The following PTPRN2 variants were observed in gnomAD, a reference collection of about 807,000 sequenced individuals.
The protein encoded by PTPRN2 is receptor-type tyrosine-protein phosphatase N2.
PTPRN2 carries 74 observed loss-of-function variants against 118.8 expected under a neutral mutation model. The ratio of observed to expected loss-of-function variants is 0.62; its 90% CI spans 0.52 to 0.76. The LOEUF (loss-of-function observed/expected upper bound fraction) is 0.76, where lower values mean the gene tolerates loss of function less well. Ranked by LOEUF, PTPRN2 falls within the 30% of genes least tolerant of loss-of-function variation. The pLI, the probability that PTPRN2 is intolerant of heterozygous loss-of-function variation, is 0.00. For synonymous variants in PTPRN2, 641 were observed against 608.0 expected, an observed-to-expected ratio of 1.05 and a Z score of -0.80; for missense variants, 1,481 against 1,394.4, an observed-to-expected ratio of 1.06 and a Z score of -0.99.
chr7:157,755,928 GC>G (rs1801753026), intron 12 of PTPRN2, among the ~76,000 whole-genome samples: 1 of 152,202 alleles, frequency 6.6e-6, no homozygotes, highest in Non-Finnish European at 1.5e-5. Flanking sequence ...TTGGTCACAG[GC>G]CCTTCCCACG....
At chr7:158,248,861 C>A (rs1439471107) in intron 3 of PTPRN2, among the ~76,000 whole-genome samples, 7 of 14,430 alleles carry the variant, frequency 4.9e-4, no homozygotes, top group Admixed American at 4.0e-3. Context: ...CATACACATG[C>A]ACACACCACA....
chr7:157,790,082 GGTGT>G (rs150902025), intron 12 of PTPRN2, among the ~76,000 whole-genome samples: 5 of 125,844 alleles, frequency 4.0e-5, no homozygotes, highest in Non-Finnish European at 6.6e-5. Context: ...GTGTGTGTGT[GGTGT>G]GTGTGGTGGT....
chr7:158,416,705 G>A (rs1178087645), intron 2 of PTPRN2, among the ~76,000 whole-genome samples: 4 of 152,332 alleles, frequency 2.6e-5, no homozygotes, highest in African/African-American at 9.6e-5. Flanking sequence ...ACAGCCTGCT[G>A]GGAAACATAG....
chr7:158,377,525 C>A (rs1334220778), intron 2 of PTPRN2, among the ~76,000 whole-genome samples: 1 of 152,170 alleles, frequency 6.6e-6, no homozygotes, highest in Non-Finnish European at 1.5e-5. Flanking sequence ...GGGAGGAAAC[C>A]CCAGCAATGC....
At chr7:158,329,255 G>C (rs1367189504) in intron 2 of PTPRN2, among the ~76,000 whole-genome samples, 3 of 152,148 alleles carry the variant, frequency 2.0e-5, no homozygotes, top group Admixed American at 6.5e-5. Context: ...AGGCTAGGAG[G>C]GGAGGACAGT....
chr7:157,878,675 G>T (rs1795934430), intron 12 of PTPRN2, among the ~76,000 whole-genome samples: 1 of 136,708 alleles, frequency 7.3e-6, no homozygotes, highest in Non-Finnish European at 1.5e-5. Context: ...CCATGGGGCT[G>T]GAAGGGTCAG....
chr7:158,078,796 C>G (rs1489202271), intron 11 of PTPRN2, among the ~76,000 whole-genome samples: 1 of 152,244 alleles, frequency 6.6e-6, no homozygotes, highest in African/African-American at 2.4e-5. Flanking sequence ...TGCCTACCTG[C>G]AAGATCTTCA....
At chr7:157,748,316 T>A (rs905723464) in intron 12 of PTPRN2, among the ~76,000 whole-genome samples, 3 of 136,772 alleles carry the variant, frequency 2.2e-5, no homozygotes, top group Admixed American at 7.1e-5. Flanking sequence ...GAGGCCTGCA[T>A]CTCTGAGCAG....
At chr7:158,188,569 G>T (rs1214988442) in intron 5 of PTPRN2, among the ~76,000 whole-genome samples, 1 of 115,782 alleles carries the variant, frequency 8.6e-6, no homozygotes, top group South Asian at 3.0e-4. Flanking sequence ...CCCCCTGTAT[G>T]GGGAAGGCCG....
In PTPRN2 at chr7:158,312,739, C is replaced by G. The variant is rs1801950153; in HGVS notation, c.277+4080G>C. ...CATATAGATACCCACACACACACAC[C>G]TGCACACTCATTCACGTGCTCATGT... On this transcript the variant is annotated intron_variant, in intron 3 of 22. Transcript: ENST00000389418. 2.2e-5 allele frequency among the ~76,000 whole-genome samples: 3 copies of G among 135,180 alleles called. No individual in the cohort carries two copies. In the South Asian group the frequency reaches 7.6e-4, roughly 34 times the overall value. The allele number at this position is 135,180 out of a possible 152,430, so 88.7% of individuals were successfully genotyped here. A position where few individuals can be genotyped will look rare whatever the true frequency, so the allele number is the denominator to read the frequency against.
chr7:157,805,991 G>A (rs1042760300), intron 12 of PTPRN2, among the ~76,000 whole-genome samples: 2 of 152,190 alleles, frequency 1.3e-5, no homozygotes, highest in Non-Finnish European at 2.9e-5. Context: ...GCCAGCTGCT[G>A]ATGCTGAGTG....
At chr7:157,655,885 G>A (rs1054629507) in intron 14 of PTPRN2, among the ~76,000 whole-genome samples, 1 of 151,964 alleles carries the variant, frequency 6.6e-6, no homozygotes, top group African/African-American at 2.4e-5. Flanking sequence ...CCACCAGGAA[G>A]GCTCCTGTGA....
intron 11 of PTPRN2, among the ~76,000 whole-genome samples, chr7:158,020,826 C>T (rs979875083): frequency 6.6e-6 from 1 of 152,168 alleles, no homozygotes; most frequent in Admixed American, 6.5e-5. Context: ...GAAGCCTGAG[C>T]CACTGGGATC....
chr7:157,650,838 C>A (rs1249454976), intron 14 of PTPRN2, among the ~76,000 whole-genome samples: 2 of 152,190 alleles, frequency 1.3e-5, no homozygotes, highest in Admixed American at 1.3e-4. Context: ...TTTCGCGAGG[C>A]CCTCCTGGTT....
intron 8 of PTPRN2, among the ~76,000 whole-genome samples, chr7:158,136,153 C>T (rs757904318): frequency 2.1e-4 from 32 of 152,224 alleles, no homozygotes; most frequent in Admixed American, 1.8e-3. Flanking sequence ...ATGCGACTAA[C>T]GTGCCGCCGA....
chr7:158,450,781 G>A (rs1407069588), intron 2 of PTPRN2, among the ~76,000 whole-genome samples: 1 of 152,240 alleles, frequency 6.6e-6, no homozygotes, highest in Non-Finnish European at 1.5e-5. Flanking sequence ...TCCAGCCTGG[G>A]GAGACTGTAA....
At chr7:158,430,714 G>A (rs540998839) in intron 2 of PTPRN2, among the ~76,000 whole-genome samples, 5 of 152,342 alleles carry the variant, frequency 3.3e-5, no homozygotes, top group East Asian at 3.9e-4. Flanking sequence ...GCCGCAGCCC[G>A]GCCTGGATTT....
rs114522317 is a variant in PTPRN2 at position 157,765,420 on chromosome 7, T to C, written c.1789-82483A>G. On this transcript the variant is annotated intron_variant, in intron 12 of 22. Transcript: ENST00000389418. ...ATCCCTCATCCGTACAACCCATCCATCATCCATTCTTCCTCCATCTGTCCA... is the reference window on the plus strand; with the variant it reads ...ATCCCTCATCCGTACAACCCATCCACCATCCATTCTTCCTCCATCTGTCCA... 4.7e-4 allele frequency among the ~76,000 whole-genome samples: 67 copies of C among 142,466 alleles called. 1 individual carries two copies. Among genetic ancestry groups the C allele is most frequent in the African/African-American group, 1.6e-3 (60 of 37,712 alleles). 93.5% of individuals were successfully genotyped at this position (142,466 alleles called of 152,430 possible).
At chr7:158,054,457 C>G (rs11766232) in intron 11 of PTPRN2, among the ~76,000 whole-genome samples, 3 of 152,172 alleles carry the variant, frequency 2.0e-5, no homozygotes, top group Non-Finnish European at 4.4e-5. Flanking sequence ...AGGAAAAACA[C>G]ACATTTACCG....
Sources: allele counts gnomAD v4.1 joint callset (sites outside exome capture counted in the v4.1 genomes callset), GRCh38; gene constraint gnomAD v4.1.1; transcripts MANE v1.5; gene names NCBI Gene and HGNC (gene_info 2026-07-23, HGNC 2026-07-21).